Variants in GABRB1 observed in about 807,000 individuals in gnomAD.
GABRB1 encodes gamma-aminobutyric acid type A receptor subunit beta1.
Under a neutral mutation model 51.6 loss-of-function variants are expected in GABRB1, and 17 were observed. The ratio of observed to expected loss-of-function variants is 0.33; its 90% CI spans 0.23 to 0.49. The LOEUF (loss-of-function observed/expected upper bound fraction) is 0.49, where lower values mean the gene tolerates loss of function less well. Among genes scored for constraint, GABRB1 ranks in the 20% least tolerant of loss-of-function variants. The probability of loss-of-function intolerance (pLI) is 0.99; values close to 1 mark genes in which losing one functional copy is unlikely to be tolerated. For synonymous variants in GABRB1, 247 were observed against 218.9 expected, an observed-to-expected ratio of 1.13 and a Z score of -1.14; for missense variants, 410 against 600.6, an observed-to-expected ratio of 0.68 and a Z score of 3.32.
intron 3 of GABRB1, among the ~76,000 whole-genome samples, chr4:47,035,176 T>G (rs1379771621): frequency 6.6e-6 from 1 of 152,182 alleles, no homozygotes; most frequent in African/African-American, 2.4e-5. Flanking sequence ...TTCATTTTTG[T>G]TCTTTACCAT....
At chr4:47,131,702 A>G (rs1417677012) in intron 3 of GABRB1, among the ~76,000 whole-genome samples, 4 of 152,172 alleles carry the variant, frequency 2.6e-5, no homozygotes, top group Non-Finnish European at 5.9e-5. Context: ...ATGGTAAAAG[A>G]ACCAATACCT....
chr4:47,067,751 G>A (rs1372054764), intron 3 of GABRB1, among the ~76,000 whole-genome samples: 2 of 151,618 alleles, frequency 1.3e-5, no homozygotes, highest in Non-Finnish European at 2.9e-5. Flanking sequence ...TTTTATTTAA[G>A]TTCTGGGGTA....
intron 5 of GABRB1, among the ~76,000 whole-genome samples, chr4:47,321,690 C>G (rs1377395554): frequency 6.6e-6 from 1 of 152,136 alleles, no homozygotes; most frequent in Non-Finnish European, 1.5e-5. Context: ...ACTTTTGGAA[C>G]TGATATAGAA....
chr4:47,225,397 A>T (rs1414625850), intron 4 of GABRB1, among the ~76,000 whole-genome samples: 3 of 152,144 alleles, frequency 2.0e-5, no homozygotes, highest in African/African-American at 7.2e-5. Context: ...AAATTTAAGA[A>T]GCACTGTTAG....
intron 5 of GABRB1, among the ~76,000 whole-genome samples, chr4:47,371,590 C>G (rs947882397): frequency 2.6e-5 from 4 of 152,282 alleles, no homozygotes; most frequent in African/African-American, 7.2e-5. Flanking sequence ...CACAACCTCA[C>G]GAGCATCTGT....
intron 3 of GABRB1, among the ~76,000 whole-genome samples, chr4:47,090,515 C>A (rs1728248489): frequency 6.6e-6 from 1 of 152,140 alleles, no homozygotes; most frequent in Non-Finnish European, 1.5e-5. Flanking sequence ...TTGGATAAAT[C>A]ATTGGGGCAC....
intron 5 of GABRB1, among the ~76,000 whole-genome samples, chr4:47,369,551 C>T (rs1727113783): frequency 6.6e-6 from 1 of 152,040 alleles, no homozygotes; most frequent in Non-Finnish European, 1.5e-5. Flanking sequence ...GTTATTAAGC[C>T]AACGGGCAAA....
At chr4:47,401,767 G>A (rs1728393382) in intron 5 of GABRB1, among the ~76,000 whole-genome samples, 1 of 151,938 alleles carries the variant, frequency 6.6e-6, no homozygotes, top group East Asian at 1.9e-4. Context: ...TCCATGAATG[G>A]GATCCATGAT....
At chr4:47,007,047 C>T (rs568399269) in intron 1 of GABRB1, among the ~76,000 whole-genome samples, 28 of 151,502 alleles carry the variant, frequency 1.8e-4, no homozygotes, top group Non-Finnish European at 3.1e-4. Flanking sequence ...GGCTGGGGTC[C>T]GAGGATTGCT....
intron 4 of GABRB1, among the ~76,000 whole-genome samples, chr4:47,274,519 G>A (rs767694220): frequency 1.3e-5 from 2 of 152,118 alleles, no homozygotes; most frequent in Admixed American, 1.3e-4. Flanking sequence ...ATTGGACATA[G>A]AAGACTGTTC....
At chr4:47,101,640 C>T (rs1714728157) in intron 3 of GABRB1, among the ~76,000 whole-genome samples, 1 of 152,018 alleles carries the variant, frequency 6.6e-6, no homozygotes, top group Non-Finnish European at 1.5e-5. Context: ...TGCTGACTCC[C>T]ATCCTGTGAT....
At chr4:47,359,176 T>C (rs899463368) in intron 5 of GABRB1, among the ~76,000 whole-genome samples, 4 of 152,182 alleles carry the variant, frequency 2.6e-5, no homozygotes, top group African/African-American at 9.6e-5. Flanking sequence ...CAAGTACTGA[T>C]GGCTTTTGGC....
intron 4 of GABRB1, among the ~76,000 whole-genome samples, chr4:47,178,009 T>C (rs1718773192): frequency 6.6e-6 from 1 of 152,054 alleles, no homozygotes; most frequent in African/African-American, 2.4e-5. Context: ...CATGTTGCTA[T>C]AGAACTAAGA....
At chr4:47,211,984 C>T (rs1300349343) in intron 4 of GABRB1, among the ~76,000 whole-genome samples, 3 of 152,086 alleles carry the variant, frequency 2.0e-5, no homozygotes, top group African/African-American at 7.2e-5. Flanking sequence ...CTACAAAGTT[C>T]CTTTTTTCAT....
chr4:47,246,277 CATAT>C lies in GABRB1; in HGVS notation c.462-73830_462-73827del, dbSNP rs1160512931. On this transcript the variant is annotated intron_variant, in intron 4 of 8. Coordinates refer to ENST00000295454, the MANE Select transcript of GABRB1 (RefSeq NM_000812.4). ...TTCTCAGGGCTGAGTAGTATTCCAT[CATAT>C]ATATATATATATATATATACACACA... Among the ~76,000 whole-genome samples, 34 of 72,742 alleles carry C rather than the reference CATAT, an allele frequency of 4.7e-4. 3 individuals carry two copies. Among genetic ancestry groups the C allele is most frequent in the African/African-American group, 1.6e-3 (30 of 18,898 alleles). The allele number at this position is 72,742 out of a possible 152,430, so 47.7% of individuals were successfully genotyped here. A position where few individuals can be genotyped will look rare whatever the true frequency, so the allele number is the denominator to read the frequency against.
chr4:47,097,458 AC>A (rs1298443583), intron 3 of GABRB1, among the ~76,000 whole-genome samples: 1 of 150,612 alleles, frequency 6.6e-6, no homozygotes, highest in East Asian at 1.9e-4. Context: ...TGGAATTGAA[AC>A]CCCCCATTCC....
intron 4 of GABRB1, among the ~76,000 whole-genome samples, chr4:47,257,125 A>G (rs996902181): frequency 7.9e-5 from 12 of 152,156 alleles, no homozygotes; most frequent in African/African-American, 2.4e-4. Flanking sequence ...CATAGGAAAG[A>G]GAGTGAGGCC....
At chr4:47,125,687 C>T (rs1029955590) in intron 3 of GABRB1, among the ~76,000 whole-genome samples, 1 of 145,880 alleles carries the variant, frequency 6.9e-6, no homozygotes, top group African/African-American at 2.5e-5. Context: ...TCCCAAGTAG[C>T]TGGGACTACA....
At chr4:47,243,316 A>G (rs1351821171) in intron 4 of GABRB1, among the ~76,000 whole-genome samples, 1 of 152,220 alleles carries the variant, frequency 6.6e-6, no homozygotes, top group African/African-American at 2.4e-5. Context: ...GAAGTCAGGT[A>G]GCGTGATGCC....
Sources: allele counts gnomAD v4.1 joint callset (sites outside exome capture counted in the v4.1 genomes callset), GRCh38; gene constraint gnomAD v4.1.1; transcripts MANE v1.5; gene names NCBI Gene and HGNC (gene_info 2026-07-23, HGNC 2026-07-21).